The following PDE5A variants were observed in gnomAD, a reference collection of about 807,000 sequenced individuals.
PDE5A encodes phosphodiesterase 5A.
PDE5A carries 67 observed loss-of-function variants against 110.2 expected under a neutral mutation model. The observed-to-expected ratio is 0.61, with a 90% confidence interval of 0.50 to 0.75. The LOEUF (loss-of-function observed/expected upper bound fraction) is 0.75. Among genes scored for constraint, PDE5A ranks in the 30% least tolerant of loss-of-function variants. The probability of loss-of-function intolerance (pLI) is 0.00; values close to 1 mark genes in which losing one functional copy is unlikely to be tolerated. For missense variants in PDE5A, 862 were observed against 1,045.1 expected, an observed-to-expected ratio of 0.82 and a Z score of 2.42; for synonymous variants, 328 against 351.2, an observed-to-expected ratio of 0.93 and a Z score of 0.74.
At chr4:119,504,316 G>A (rs1163180155) in intron 18 of PDE5A, among the ~76,000 whole-genome samples, 2 of 152,088 alleles carry the variant, frequency 1.3e-5, no homozygotes, top group African/African-American at 4.8e-5. Flanking sequence ...ATTCCATGGT[G>A]CATATGTACC....
At chr4:119,618,264 T>C (rs1304870252) in intron 1 of PDE5A, among the ~76,000 whole-genome samples, 5 of 152,174 alleles carry the variant, frequency 3.3e-5, no homozygotes, top group Admixed American at 3.3e-4. Flanking sequence ...GTTAACTGAA[T>C]ATTAAGTGGA....
chr4:119,546,447 TTC>T (rs1463923387), intron 9 of PDE5A, among the ~76,000 whole-genome samples: 1 of 152,146 alleles, frequency 6.6e-6, no homozygotes, highest in Non-Finnish European at 1.5e-5. Context: ...AGACTTTCTG[TTC>T]TGTTTCATCA....
intron 19 of PDE5A, 124 bp from the exon 20 acceptor site, chr4:119,501,377 C>A: frequency 1.6e-6 from 1 of 626,064 alleles, no homozygotes; most frequent in South Asian, 1.9e-5. Context: ...GTGGCACCAT[C>A]TCAGCTCACT....
intron 4 of PDE5A, among the ~76,000 whole-genome samples, chr4:119,566,508 G>A (rs372558840): frequency 1.9e-4 from 29 of 152,126 alleles, no homozygotes; most frequent in African/African-American, 6.0e-4. Flanking sequence ...TCAATGAGGC[G>A]TGTGGAAGGT....
chr4:119,558,191 A>G (rs1727611614), intron 7 of PDE5A, among the ~76,000 whole-genome samples: 1 of 152,186 alleles, frequency 6.6e-6, no homozygotes, highest in Non-Finnish European at 1.5e-5. Context: ...TTCCTGGGCA[A>G]CTCAACTCCC....
chr4:119,569,774 G>C (rs1257464374), intron 3 of PDE5A: 1 of 152,614 alleles, frequency 6.6e-6, no homozygotes, highest in East Asian at 1.9e-4. Flanking sequence ...TGAGGTCACT[G>C]TGACAAGGGG....
At chr4:119,614,569 A>G (rs1303445866) in intron 1 of PDE5A, among the ~76,000 whole-genome samples, 49 of 152,152 alleles carry the variant, frequency 3.2e-4, no homozygotes, top group African/African-American at 2.4e-5. Context: ...GGACTACCAC[A>G]AAGTAATCCT....
At chr4:119,513,904 T>C (rs1006065564) in intron 14 of PDE5A, among the ~76,000 whole-genome samples, 5 of 152,192 alleles carry the variant, frequency 3.3e-5, no homozygotes, top group African/African-American at 1.2e-4. Flanking sequence ...TTGCCTTTAC[T>C]TACATTCTAA....
intron 15 of PDE5A, 82 bp downstream of exon 15, chr4:119,510,965 G>A (rs1319765164): frequency 2.2e-6 from 2 of 906,006 alleles, no homozygotes; most frequent in Non-Finnish European, 3.5e-6. Flanking sequence ...TATGATGCTG[G>A]GAATAAATCC....
At chr4:119,574,905 T>C (rs1728277140) in intron 3 of PDE5A, among the ~76,000 whole-genome samples, 1 of 152,194 alleles carries the variant, frequency 6.6e-6, no homozygotes, top group African/African-American at 2.4e-5. Flanking sequence ...TATACAGATA[T>C]ATGTACATTT....
intron 3 of PDE5A, among the ~76,000 whole-genome samples, chr4:119,594,431 T>C (rs956861941): frequency 6.6e-6 from 1 of 152,236 alleles, no homozygotes; most frequent in Non-Finnish European, 1.5e-5. Context: ...ATTGTCTTCC[T>C]AAGTGCACGG....
At chr4:119,514,970 A>G (rs1262328666) in intron 14 of PDE5A, among the ~76,000 whole-genome samples, 2 of 152,178 alleles carry the variant, frequency 1.3e-5, no homozygotes, top group East Asian at 3.8e-4. Flanking sequence ...GAAGCTAGGC[A>G]TCTGGCTCAA....
intron 11 of PDE5A, among the ~76,000 whole-genome samples, chr4:119,534,447 T>A (rs554346697): frequency 1.3e-5 from 2 of 152,202 alleles, no homozygotes; most frequent in East Asian, 3.9e-4. Context: ...TGCCTGATGA[T>A]CTGAGGTGAA....
chr4:119,504,482 G>A lies in PDE5A; in HGVS notation c.2331+54C>T, dbSNP rs149197039. 602 of 1,383,760 alleles carry A rather than the reference G, an allele frequency of 4.4e-4. No homozygotes were observed. In the African/African-American group the frequency reaches 7.7e-3, roughly 18 times the overall value. The allele number at this position is 1,383,760 out of a possible 1,614,324, so 85.7% of individuals were successfully genotyped here. A position where few individuals can be genotyped will look rare whatever the true frequency, so the allele number is the denominator to read the frequency against. Reference sequence around the variant, plus strand: ...TAGATACCTAGTAGTGGGATTGCTGGGTAGAATGTTATTTTGACTTTTTAA... The same window carrying A: ...TAGATACCTAGTAGTGGGATTGCTGAGTAGAATGTTATTTTGACTTTTTAA... On this transcript the variant is annotated intron_variant, in intron 18 of 20. Coordinates refer to ENST00000354960, the MANE Select transcript of PDE5A (RefSeq NM_001083.4).
At position 119,628,548 on chromosome 4, in the gene PDE5A, A is replaced by C. The variant is rs1730444720; in HGVS notation, c.124T>G (p.Phe42Val). The change falls in exon 1 of 21, where the codon TTC becomes GTC. Residue 42 changes from phenylalanine (F) to valine (V), a missense_variant. Physicochemically the swap from Phe to Val is conservative, Grantham distance 50 (BLOSUM62 -1). Coordinates refer to ENST00000354960, the MANE Select transcript of PDE5A (RefSeq NM_001083.4). ...AWLDDHWDFT[F>V]SYFVRKATRE... The stretch of plus-strand genomic sequence containing the variant: ...GTGGCTTTTCTAACAAAGTATGAGA[A>C]GGTAAAGTCCCAGTGATCGTCCAGC... 1 of 1,595,678 alleles carries C rather than the reference A, an allele frequency of 6.3e-7. No homozygotes were observed.
At chr4:119,573,856 T>C (rs1458244496) in intron 3 of PDE5A, among the ~76,000 whole-genome samples, 2 of 152,106 alleles carry the variant, frequency 1.3e-5, no homozygotes, top group Non-Finnish European at 1.5e-5. Context: ...ATCAATGCCA[T>C]TGTTTCTAAT....
At chr4:119,564,882 G>A (rs563707904) in intron 5 of PDE5A, among the ~76,000 whole-genome samples, 35 of 152,166 alleles carry the variant, frequency 2.3e-4, no homozygotes, top group Non-Finnish European at 3.1e-4. Flanking sequence ...GAAAAAGCAG[G>A]GCTAAGGAGC....
Position 119,628,770 on chromosome 4 carries a change from C to G in PDE5A, c.-99G>C. On this transcript the variant is annotated 5_prime_UTR_variant, in exon 1 of 21. Coordinates refer to ENST00000354960, the MANE Select transcript of PDE5A (RefSeq NM_001083.4). ...ACAGGACTCGGCCTCGAGACCCTCCCCCTTCGTCCTGCTCCAGTCGGGCCG... is the reference window on the plus strand; with the variant it reads ...ACAGGACTCGGCCTCGAGACCCTCCGCCTTCGTCCTGCTCCAGTCGGGCCG... 6.6e-7 allele frequency: 1 copy of G among 1,508,032 alleles called. No individual in the cohort carries two copies. The highest frequency in any genetic ancestry group is 9.0e-7 in the Non-Finnish European group (1 of 1,116,072). 93.4% of individuals were successfully genotyped at this position (1,508,032 alleles called of 1,614,324 possible).
At chr4:119,601,988 A>T (rs1351139991) in intron 2 of PDE5A, among the ~76,000 whole-genome samples, 2 of 152,148 alleles carry the variant, frequency 1.3e-5, no homozygotes, top group Non-Finnish European at 2.9e-5. Context: ...GACTAAACAG[A>T]CATTACAACT....
Sources: gnomAD v4.1 joint callset for allele counts (sites outside exome capture counted in the v4.1 genomes callset) on GRCh38, gnomAD v4.1.1 for gene constraint, MANE v1.5 for transcripts, NCBI Gene and HGNC (gene_info 2026-07-23, HGNC 2026-07-21) for gene names.